Variants in ATP8B4 observed in about 807,000 individuals in gnomAD.
ATP8B4 encodes the protein ATPase phospholipid transporting 8B4 (putative), also known as probable phospholipid-transporting ATPase IM.
In ATP8B4, 133 loss-of-function variants were observed where a neutral mutation model predicts 145.6. That is an observed-to-expected ratio of 0.91 (90% CI 0.79 to 1.05). The LOEUF (loss-of-function observed/expected upper bound fraction) is 1.05, where lower values mean the gene tolerates loss of function less well. Ranked by LOEUF, ATP8B4 falls within the 50% of genes least tolerant of loss-of-function variation. The probability of loss-of-function intolerance (pLI) is 0.00; values close to 1 mark genes in which losing one functional copy is unlikely to be tolerated. For synonymous variants in ATP8B4, 507 were observed against 492.9 expected (o/e 1.03, Z -0.38); for missense variants, 1,458 against 1,425.2 (o/e 1.02, Z -0.37).
chr15:49,886,811 ATTT>A (rs200775433), intron 23 of ATP8B4, among the ~76,000 whole-genome samples: 5 of 144,608 alleles, frequency 3.5e-5, no homozygotes. Context: ...GCCACAAGCA[ATTT>A]TTTTTTTTTT....
At position 50,074,268 on chromosome 15, in the gene ATP8B4, G is replaced by C. The variant is rs1600211227; in HGVS notation, c.29-83C>G. ...TCATTAAAACAACAAGACTTAGGTT[G>C]CTTTGTTGTTAAGGCTGCAAGAATT... is the stretch of plus-strand genomic sequence containing the variant. On this transcript the variant is annotated intron_variant, in intron 2 of 27. Transcript: ENST00000284509. 7.4e-6 allele frequency: 9 copies of C among 1,220,918 alleles called. No individual in the cohort carries two copies. In the Admixed American group the frequency reaches 1.1e-4, roughly 14 times the overall value. 75.6% of individuals were successfully genotyped at this position (1,220,918 alleles called of 1,614,324 possible). A position where few individuals can be genotyped will look rare whatever the true frequency, so the allele number is the denominator to read the frequency against.
At chr15:50,165,977 ACACACACACAC>A (rs1567415398) in intron 1 of ATP8B4, among the ~76,000 whole-genome samples, 1 of 149,700 alleles carries the variant, frequency 6.7e-6, no homozygotes, top group Non-Finnish European at 1.5e-5. Flanking sequence ...GAGAACACAC[ACACACACACAC>A]ACACACACAC....
At chr15:50,072,752 A>C (rs1411338009) in intron 3 of ATP8B4, among the ~76,000 whole-genome samples, 1 of 151,210 alleles carries the variant, frequency 6.6e-6, no homozygotes, top group Non-Finnish European at 1.5e-5. Context: ...CAGCCTCCCG[A>C]GTAGCTGGGA....
chr15:49,923,337 GCAAAAGGGCCATTGTGC>G (rs767600287), intron 17 of ATP8B4, 25 bp downstream of exon 17: 5 of 1,382,828 alleles, frequency 3.6e-6, no homozygotes, highest in Non-Finnish European at 5.1e-6. Context: ...ATAGGAGATG[GCAAAAGGGCCATTGTGC>G]TAACCTTAAG....
intron 9 of ATP8B4, among the ~76,000 whole-genome samples, chr15:49,991,874 G>A (rs1426226060): frequency 6.6e-6 from 1 of 152,062 alleles, no homozygotes; most frequent in Non-Finnish European, 1.5e-5. Context: ...AATTAATTTC[G>A]TACCTTTGGG....
At chr15:49,865,431 C>T (rs1227518180) in intron 26 of ATP8B4, among the ~76,000 whole-genome samples, 1 of 152,170 alleles carries the variant, frequency 6.6e-6, no homozygotes. Flanking sequence ...ATTAATCAAA[C>T]CCAGGGAGGG....
At chr15:49,964,270 G>C (rs1275158861) in intron 13 of ATP8B4, among the ~76,000 whole-genome samples, 1 of 151,864 alleles carries the variant, frequency 6.6e-6, no homozygotes, top group Non-Finnish European at 1.5e-5. Flanking sequence ...CAAATTCACT[G>C]TGTTATGCTC....
rs372725969 is a variant in ATP8B4 at position 49,886,912 on chromosome 15, C to T, written c.2698-7453G>A. On this transcript the variant is annotated intron_variant, in intron 23 of 27. Coordinates refer to ENST00000284509, the MANE Select transcript of ATP8B4 (RefSeq NM_024837.4). Reference sequence around the variant, plus strand: ...GCAGCCTCTGCCCCCTGGGTTCAAGCGATTCTCCTGCCTCAGCCTCCCGAG... The same window carrying T: ...GCAGCCTCTGCCCCCTGGGTTCAAGTGATTCTCCTGCCTCAGCCTCCCGAG... 2.0e-4 allele frequency among the ~76,000 whole-genome samples: 31 copies of T among 151,936 alleles called. No homozygotes were observed. In the East Asian group the frequency reaches 5.0e-3, roughly 25 times the overall value.
At chr15:50,165,406 T>C (rs1006294687) in intron 1 of ATP8B4, among the ~76,000 whole-genome samples, 3 of 152,212 alleles carry the variant, frequency 2.0e-5, no homozygotes, top group Non-Finnish European at 2.9e-5. Context: ...TTCACTCACC[T>C]GGTTTTTTTG....
chr15:50,115,598 G>A (rs1273530847), intron 1 of ATP8B4, among the ~76,000 whole-genome samples: 2 of 151,888 alleles, frequency 1.3e-5, no homozygotes, highest in African/African-American at 2.4e-5. Context: ...GAAGGTTTGC[G>A]GAGCAGTGAT....
In ATP8B4 at chr15:49,858,368, C is replaced by T. The variant is rs2031059433; in HGVS notation, c.*1826G>A. 6.6e-6 allele frequency: 1 copy of T among 152,120 alleles called. No individual in the cohort carries two copies. The highest frequency in any genetic ancestry group is 2.1e-4 in the South Asian group (1 of 4,824). 9.4% of individuals were successfully genotyped at this position (152,120 alleles called of 1,614,324 possible). Reference sequence around the variant, plus strand: ...CAACATCTGGTTAAGTGTAGGCAGGCATGTAAGGGAAAGACAACGTCCATA... The same window carrying T: ...CAACATCTGGTTAAGTGTAGGCAGGTATGTAAGGGAAAGACAACGTCCATA... On this transcript the variant is annotated 3_prime_UTR_variant, in exon 28 of 28. Coordinates refer to ENST00000284509, the MANE Select transcript of ATP8B4 (RefSeq NM_024837.4).
At chr15:49,906,858 T>C (rs976548017) in intron 20 of ATP8B4, among the ~76,000 whole-genome samples, 2 of 152,174 alleles carry the variant, frequency 1.3e-5, no homozygotes, top group African/African-American at 4.8e-5. Flanking sequence ...TGATAAGTGA[T>C]GGCTAAAAAA....
At chr15:50,094,202 T>C (rs184469789) in intron 2 of ATP8B4, among the ~76,000 whole-genome samples, 12 of 152,284 alleles carry the variant, frequency 7.9e-5, no homozygotes, top group Admixed American at 5.2e-4. Context: ...TCACCGTCCC[T>C]GATGTGTGTG....
chr15:50,166,339 A>G (rs1221709131), intron 1 of ATP8B4, among the ~76,000 whole-genome samples: 1 of 152,196 alleles, frequency 6.6e-6, no homozygotes, highest in East Asian at 1.9e-4. Flanking sequence ...ATTCTTCAAG[A>G]TATAATCTTG....
chr15:50,130,801 A>G (rs990412071), intron 1 of ATP8B4, among the ~76,000 whole-genome samples: 2 of 152,060 alleles, frequency 1.3e-5, no homozygotes, highest in South Asian at 2.1e-4. Context: ...ATAAAAATAA[A>G]TAAGAGTCTT....
At chr15:49,954,280 G>A (rs1330567855) in intron 14 of ATP8B4, among the ~76,000 whole-genome samples, 1 of 151,954 alleles carries the variant, frequency 6.6e-6, no homozygotes. Context: ...TATCCTATTA[G>A]TTCTGTCCCT....
chr15:50,172,740 C>T (rs1362688397), intron 1 of ATP8B4, among the ~76,000 whole-genome samples: 2 of 151,516 alleles, frequency 1.3e-5, no homozygotes, highest in African/African-American at 2.4e-5. Context: ...ATGTGGGGAG[C>T]GCCTCTGCCC....
intron 16 of ATP8B4, 84 bp downstream of exon 16, chr15:49,931,035 A>T (rs1444983649): frequency 7.0e-7 from 1 of 1,427,956 alleles, no homozygotes; most frequent in African/African-American, 1.4e-5. Flanking sequence ...CCCTCAGCAC[A>T]TAGCCAAAAG....
chr15:50,069,994 C>A (rs1445021019), intron 3 of ATP8B4, among the ~76,000 whole-genome samples: 1 of 152,044 alleles, frequency 6.6e-6, no homozygotes, highest in Non-Finnish European at 1.5e-5. Context: ...ATCTCAATGG[C>A]TTAACATTTC....
Sources: allele counts gnomAD v4.1 joint callset (sites outside exome capture counted in the v4.1 genomes callset), GRCh38; gene constraint gnomAD v4.1.1; transcripts MANE v1.5; gene names NCBI Gene and HGNC (gene_info 2026-07-23, HGNC 2026-07-21).